The following PIK3CD variants were observed in gnomAD, a reference collection of about 807,000 sequenced individuals.
PIK3CD encodes the protein phosphatidylinositol 4,5-bisphosphate 3-kinase catalytic subunit delta isoform.
Under a neutral mutation model 122.9 loss-of-function variants are expected in PIK3CD, and 20 were observed. The ratio of observed to expected loss-of-function variants is 0.16; its 90% CI spans 0.11 to 0.24. PIK3CD has a LOEUF of 0.24. Ranked by LOEUF, PIK3CD falls within the 10% of genes least tolerant of loss-of-function variation. PIK3CD has a pLI of 1.00. For missense variants in PIK3CD, 787 were observed against 1,406.3 expected (o/e 0.56, Z 7.04); for synonymous variants, 596 against 593.4 (o/e 1.00, Z -0.06).
intron 2 of PIK3CD, among the ~76,000 whole-genome samples, chr1:9,692,904 C>T (rs1646258007): frequency 6.6e-6 from 1 of 152,134 alleles, no homozygotes; most frequent in Non-Finnish European, 1.5e-5. Context: ...CCAGCGCTCC[C>T]CTGCACATAA....
At chr1:9,671,184 T>A (rs1240225039) in intron 1 of PIK3CD, among the ~76,000 whole-genome samples, 1 of 152,094 alleles carries the variant, frequency 6.6e-6, no homozygotes, top group African/African-American at 2.4e-5. Context: ...ACTACATCCT[T>A]GATCTCCTGG....
At chr1:9,630,907 G>A in the PIK3CD span, among the ~76,000 whole-genome samples, 1 of 152,230 alleles carries the variant, frequency 6.6e-6, no homozygotes. Context: ...AGGTGACCCT[G>A]GGAGGCTGGC....
At chr1:9,675,254 C>G (rs757022314) in intron 1 of PIK3CD, among the ~76,000 whole-genome samples, 1 of 149,522 alleles carries the variant, frequency 6.7e-6, no homozygotes, top group Non-Finnish European at 1.5e-5. Context: ...GGCGTGGTAG[C>G]GGGCGCCTGT....
chr1:9,715,527 G>T lies in PIK3CD; in HGVS notation c.142-14G>T. 1.9e-6 allele frequency: 3 copies of T among 1,611,110 alleles called. No homozygotes were observed. In the South Asian group the frequency reaches 3.3e-5, roughly 18 times the overall value. ...GCCTTGGGTGGAGGGGCTGACCGGT[G>T]ACTGTCCCTCCAGCTGCTGTGGCAC... is the stretch of plus-strand genomic sequence containing the variant. On this transcript the variant is annotated splice_polypyrimidine_tract_variant and intron_variant, in intron 3 of 23. Transcript: ENST00000377346. This position sits in a 1 kb window ranked among gnomAD's most constrained non-coding sequence, Gnocchi z 4.1.
In PIK3CD at chr1:9,710,587, C is replaced by A. The variant is rs1300275616; in HGVS notation, c.132C>A (p.Thr44=). ...FPVSRNANLS[T]IKQLLWHRAQ... is the part of the protein sequence containing the mutation. ...TGTCCCGCAATGCCAACCTCAGCAC[C>A]ATCAAGCAGGTATGGCCTCCATCCG... is the stretch of plus-strand genomic sequence containing the variant. Residue 44 remains threonine (T), a synonymous_variant, in exon 3 of 24, where the codon ACC becomes ACA. Transcript: ENST00000377346. The surrounding 1 kb of genome is among the most constrained non-coding windows in gnomAD (Gnocchi z 4.7). The A allele has an allele frequency of 1.2e-6, 2 of 1,613,848 alleles. No homozygotes were observed.
the PIK3CD span, among the ~76,000 whole-genome samples, chr1:9,641,295 G>A: frequency 1.3e-5 from 2 of 152,056 alleles, no homozygotes; most frequent in Non-Finnish European, 2.9e-5. Flanking sequence ...GTTGAATCCA[G>A]GTGCCTGACC....
intron 2 of PIK3CD, among the ~76,000 whole-genome samples, chr1:9,703,607 A>G (rs1471675613): frequency 2.0e-5 from 3 of 152,210 alleles, no homozygotes; most frequent in Non-Finnish European, 4.4e-5. Flanking sequence ...AATCATGAAC[A>G]CATATTTTTT....
chr1:9,710,816 G>A lies in PIK3CD; in HGVS notation c.141+220G>A, dbSNP rs1190827954. Among the ~76,000 whole-genome samples, 1 of 152,092 alleles carries A rather than the reference G, an allele frequency of 6.6e-6. No homozygotes were observed. Among genetic ancestry groups the A allele is most frequent in the African/African-American group, 2.4e-5 (1 of 41,404 alleles). ...TTTGTTTGTTTTGAGACGGAGTTTC[G>A]CTCTTATTGCCCAGGCTGGTGTGCA... On this transcript the variant is annotated intron_variant, in intron 3 of 23. Coordinates refer to ENST00000377346, the MANE Select transcript of PIK3CD (RefSeq NM_005026.5). The surrounding 1 kb of genome is among the most constrained non-coding windows in gnomAD (Gnocchi z 4.7).
intron 23 of PIK3CD, among the ~76,000 whole-genome samples, chr1:9,725,373 G>A (rs985669887): frequency 1.3e-5 from 2 of 151,994 alleles, no homozygotes; most frequent in Non-Finnish European, 2.9e-5. Context: ...GACCAACATG[G>A]AGAAACCCCG....
intron 23 of PIK3CD, among the ~76,000 whole-genome samples, chr1:9,726,074 A>G (rs544064734): frequency 2.7e-5 from 4 of 150,292 alleles, no homozygotes; most frequent in East Asian, 4.0e-4. Context: ...TCAGCCAGGC[A>G]TGGTGGCACA....
intron 1 of PIK3CD, among the ~76,000 whole-genome samples, chr1:9,690,912 G>C (rs1646174573): frequency 6.6e-6 from 1 of 152,108 alleles, no homozygotes; most frequent in Non-Finnish European, 1.5e-5. Flanking sequence ...TCCCTCTTTG[G>C]GGTTCTGTTA....
chr1:9,667,363 G>T (rs1645190454), intron 1 of PIK3CD, among the ~76,000 whole-genome samples: 1 of 151,736 alleles, frequency 6.6e-6, no homozygotes, highest in South Asian at 2.1e-4. Context: ...TGCCAGCATT[G>T]AATAATATTG....
chr1:9,663,102 C>T (rs1261438702), intron 1 of PIK3CD, among the ~76,000 whole-genome samples: 2 of 152,182 alleles, frequency 1.3e-5, no homozygotes, highest in Admixed American at 6.5e-5. Flanking sequence ...AAATGACAGC[C>T]ATCCAAACCC....
chr1:9,723,929 C>T lies in PIK3CD; in HGVS notation c.2595-40C>T, dbSNP rs769964875. 1 of 1,605,386 alleles carries T rather than the reference C, an allele frequency of 6.2e-7. No homozygotes were observed. Among genetic ancestry groups the T allele is most frequent in the East Asian group, 2.2e-5 (1 of 44,840 alleles). ...ACCCACCTCTTGATAGGCGGAGCTG[C>T]AAAATGGTATGGCCATGCTTTTTAA... On this transcript the variant is annotated intron_variant, in intron 20 of 23. Coordinates refer to ENST00000377346, the MANE Select transcript of PIK3CD (RefSeq NM_005026.5). This position sits in a 1 kb window ranked among gnomAD's most constrained non-coding sequence, Gnocchi z 4.9.
chr1:9,717,830 C>T lies in PIK3CD; in HGVS notation c.1020+204C>T, dbSNP rs1043828955. Among the ~76,000 whole-genome samples the T allele has an allele frequency of 6.6e-6, 1 of 152,266 alleles. No individual in the cohort carries two copies. The highest frequency in any genetic ancestry group is 2.4e-5 in the African/African-American group (1 of 41,558). On this transcript the variant is annotated intron_variant, in intron 8 of 23. Transcript: ENST00000377346. The surrounding 1 kb of genome is among the most constrained non-coding windows in gnomAD (Gnocchi z 5.4). Reference sequence around the variant, plus strand: ...GGCCAGCCGGCCCTGGAGGCTGATTCGTAGAAACTTGGGCCAAGCAGCGTT... The same window carrying T: ...GGCCAGCCGGCCCTGGAGGCTGATTTGTAGAAACTTGGGCCAAGCAGCGTT...
chr1:9,724,508 G>A lies in PIK3CD; in HGVS notation c.2864+87G>A. ...GGTTCCCAGGCAGGGTGCAGGATGG[G>A]GCTCAGGTCTCAACCCCACACCTGG... On this transcript the variant is annotated intron_variant, in intron 22 of 23. Transcript: ENST00000377346. This position sits in a 1 kb window ranked among gnomAD's most constrained non-coding sequence, Gnocchi z 7.3. 1.4e-6 allele frequency: 2 copies of A among 1,478,840 alleles called. No individual in the cohort carries two copies. The highest frequency in any genetic ancestry group is 1.9e-6 in the Non-Finnish European group (2 of 1,064,930). The allele number at this position is 1,478,840 out of a possible 1,614,324, so 91.6% of individuals were successfully genotyped here.
rs1649866952 is a variant in PIK3CD at position 9,727,578 on chromosome 1, G to A, written c.*532G>A. 4.3e-6 allele frequency: 1 copy of A among 231,066 alleles called. No homozygotes were observed. 14.3% of individuals were successfully genotyped at this position (231,066 alleles called of 1,614,324 possible). ...CTTTTCAAGTGGGTCTTGGGTACGAGAATTCCCTCATCTTTCTCTACTGTA... is the reference window on the plus strand; with the variant it reads ...CTTTTCAAGTGGGTCTTGGGTACGAAAATTCCCTCATCTTTCTCTACTGTA... On this transcript the variant is annotated 3_prime_UTR_variant, in exon 24 of 24. Transcript: ENST00000377346.
chr1:9,644,500 G>A, the PIK3CD span, among the ~76,000 whole-genome samples: 6 of 150,934 alleles, frequency 4.0e-5, no homozygotes, highest in African/African-American at 7.3e-5. Context: ...CCTGGATGAC[G>A]AGGAAGACTC....
At chr1:9,630,538 T>C in the PIK3CD span, among the ~76,000 whole-genome samples, 1 of 152,230 alleles carries the variant, frequency 6.6e-6, no homozygotes, top group Non-Finnish European at 1.5e-5. Flanking sequence ...GTAGAGTCCC[T>C]GCTCCCAGGA....
Sources: allele counts gnomAD v4.1 joint callset (sites outside exome capture counted in the v4.1 genomes callset), GRCh38; gene constraint gnomAD v4.1.1; non-coding constraint Gnocchi (gnomAD v3.1); transcripts MANE v1.5; gene names NCBI Gene and HGNC (gene_info 2026-07-23, HGNC 2026-07-21).